Variants in SLIT3 observed in about 807,000 individuals in gnomAD.
The protein encoded by SLIT3 is slit guidance ligand 3.
In SLIT3, 68 loss-of-function variants were observed where a neutral mutation model predicts 184.0. That is an observed-to-expected ratio of 0.37 (90% CI 0.30 to 0.45). The LOEUF is 0.45. SLIT3 is among the 20% of genes least tolerant of loss of function. SLIT3 has a pLI of 1.00. For synonymous variants in SLIT3, 831 were observed against 828.6 expected (o/e 1.00, Z -0.05); for missense variants, 1,707 against 2,026.0 (o/e 0.84, Z 3.02).
intron 4 of SLIT3, among the ~76,000 whole-genome samples, chr5:169,006,408 T>C (rs12152726): frequency 0.036 from 5,542 of 152,240 alleles, 127 homozygotes; most frequent in Middle Eastern, 0.065. Context: ...CGACTCCCTG[T>C]GGAGCCATGA....
intron 6 of SLIT3, among the ~76,000 whole-genome samples, chr5:168,827,646 T>A (rs1222453208): frequency 6.6e-6 from 1 of 152,166 alleles, no homozygotes; most frequent in African/African-American, 2.4e-5. Context: ...CAGGTCCCTT[T>A]TGCCATGTAA....
intron 4 of SLIT3, among the ~76,000 whole-genome samples, chr5:169,041,938 T>C (rs1190870091): frequency 6.6e-6 from 1 of 152,150 alleles, no homozygotes; most frequent in African/African-American, 2.4e-5. Flanking sequence ...TGGAAATGAA[T>C]AGGAAAAAAT....
intron 5 of SLIT3, among the ~76,000 whole-genome samples, chr5:168,853,912 T>C (rs1758764089): frequency 1.3e-5 from 2 of 152,238 alleles, no homozygotes; most frequent in African/African-American, 2.4e-5. Flanking sequence ...AGGCCACATC[T>C]TCTAGGAGAC....
intron 3 of SLIT3, among the ~76,000 whole-genome samples, chr5:169,227,762 C>T (rs1581078375): frequency 6.6e-6 from 1 of 152,200 alleles, no homozygotes; most frequent in East Asian, 1.9e-4. Flanking sequence ...GCTGCAATTA[C>T]CTTTGCACTA....
At chr5:169,005,136 A>AC (rs1755868049) in intron 4 of SLIT3, among the ~76,000 whole-genome samples, 1 of 152,212 alleles carries the variant, frequency 6.6e-6, no homozygotes, top group Non-Finnish European at 1.5e-5. Flanking sequence ...ATTGTTTTTA[A>AC]AACATAATGC....
In SLIT3 at chr5:168,912,310, C is replaced by T. The variant is rs575236057; in HGVS notation, c.414-28974G>A. ...GTTATTGGTAAGAGCCTACTGTTAA[C>T]TGGATGCCTTAATAGTTAAGTTTTG... On this transcript the variant is annotated intron_variant, in intron 4 of 35. Coordinates refer to ENST00000519560, the MANE Select transcript of SLIT3 (RefSeq NM_003062.4). 1.5e-3 allele frequency among the ~76,000 whole-genome samples: 234 copies of T among 152,302 alleles called. 2 individuals are homozygous for T. Among genetic ancestry groups the T allele is most frequent in the African/African-American group, 5.6e-3 (231 of 41,560 alleles).
chr5:168,909,969 C>T (rs1310445120), intron 4 of SLIT3, among the ~76,000 whole-genome samples: 2 of 152,218 alleles, frequency 1.3e-5, no homozygotes, highest in Non-Finnish European at 2.9e-5. Flanking sequence ...GCTTTAAACC[C>T]ATTCACTAAA....
At chr5:169,062,812 A>T (rs974761534) in intron 4 of SLIT3, among the ~76,000 whole-genome samples, 1 of 152,034 alleles carries the variant, frequency 6.6e-6, no homozygotes. Context: ...TTCCCCCTTC[A>T]TGTTCCTTCC....
intron 1 of SLIT3, among the ~76,000 whole-genome samples, chr5:169,271,286 T>C (rs1766601027): frequency 6.6e-6 from 1 of 152,194 alleles, no homozygotes; most frequent in African/African-American, 2.4e-5. Context: ...GGGGCTCCAG[T>C]GCAACCCACA....
intron 5 of SLIT3, among the ~76,000 whole-genome samples, chr5:168,870,098 T>C (rs1759457622): frequency 6.6e-6 from 1 of 152,236 alleles, no homozygotes; most frequent in Admixed American, 6.5e-5. Context: ...GAGACCCACA[T>C]GTACCATGAG....
intron 14 of SLIT3, chr5:168,768,361 T>C (rs1755420324): frequency 6.6e-6 from 3 of 457,358 alleles, no homozygotes; most frequent in Non-Finnish European, 1.3e-5. Context: ...GTGATTAGTA[T>C]CAGGAGTGGG....
At position 169,062,353 on chromosome 5, in the gene SLIT3, C is replaced by T. The variant is rs144749764; in HGVS notation, c.413+131126G>A. Among the ~76,000 whole-genome samples the T allele has an allele frequency of 3.9e-3, 600 of 152,270 alleles. 4 individuals are homozygous for T. Among genetic ancestry groups the T allele is most frequent in the Non-Finnish European group, 6.3e-3 (428 of 68,026 alleles). On this transcript the variant is annotated intron_variant, in intron 4 of 35. Transcript: ENST00000519560. ...TAGTGCTTATTAAGGCTTTGGGTGC[C>T]ACATGAATGCTACATAGACACCCAG... is the stretch of plus-strand genomic sequence containing the variant.
At chr5:168,917,452 G>A (rs912206195) in intron 4 of SLIT3, among the ~76,000 whole-genome samples, 3 of 152,174 alleles carry the variant, frequency 2.0e-5, no homozygotes, top group Admixed American at 2.0e-4. Flanking sequence ...ATAAATCTCA[G>A]TCAAATCCCT....
At chr5:168,887,145 G>A (rs1309146067) in intron 4 of SLIT3, among the ~76,000 whole-genome samples, 1 of 151,962 alleles carries the variant, frequency 6.6e-6, no homozygotes, top group Non-Finnish European at 1.5e-5. Flanking sequence ...GCAATGTCAG[G>A]CATGCTTTGT....
rs114826706 is a variant in SLIT3, at chr5:168,986,173, C to T, written c.414-102837G>A. 3.7e-4 allele frequency among the ~76,000 whole-genome samples: 57 copies of T among 152,264 alleles called. 2 individuals carry two copies. Among genetic ancestry groups the T allele is most frequent in the African/African-American group, 1.3e-3 (54 of 41,550 alleles). Reference sequence around the variant, plus strand: ...TTCAGTTCTTTCATGTCTTTTCTTACGTCTGGTTCTCCCAATTCCCTGACA... The same window carrying T: ...TTCAGTTCTTTCATGTCTTTTCTTATGTCTGGTTCTCCCAATTCCCTGACA... On this transcript the variant is annotated intron_variant, in intron 4 of 35. Transcript: ENST00000519560.
At chr5:169,087,062 G>A (rs888444854) in intron 4 of SLIT3, among the ~76,000 whole-genome samples, 2 of 152,212 alleles carry the variant, frequency 1.3e-5, no homozygotes, top group Non-Finnish European at 2.9e-5. Flanking sequence ...CAGCAATACA[G>A]CAACTGAGTA....
intron 20 of SLIT3, among the ~76,000 whole-genome samples, chr5:168,735,132 T>C (rs961771219): frequency 3.3e-5 from 5 of 151,948 alleles, no homozygotes; most frequent in African/African-American, 1.2e-4. Flanking sequence ...ACTGCCGGAG[T>C]GTTTCTGGCA....
intron 4 of SLIT3, among the ~76,000 whole-genome samples, chr5:169,150,603 T>C (rs1188212774): frequency 6.6e-6 from 1 of 152,046 alleles, no homozygotes; most frequent in Non-Finnish European, 1.5e-5. Flanking sequence ...GTAATGTCTG[T>C]TTTAATCGCC....
chr5:169,212,941 C>A (rs1179540219), intron 3 of SLIT3, among the ~76,000 whole-genome samples: 1 of 152,116 alleles, frequency 6.6e-6, no homozygotes. Context: ...TTTGTCAAAG[C>A]TCAGATGTTT....
Sources: allele counts gnomAD v4.1 joint callset (sites outside exome capture counted in the v4.1 genomes callset), GRCh38; gene constraint gnomAD v4.1.1; transcripts MANE v1.5; gene names NCBI Gene and HGNC (gene_info 2026-07-23, HGNC 2026-07-21).